Variants in HECTD4 observed in about 807,000 individuals in gnomAD.
HECTD4 encodes HECT domain E3 ubiquitin protein ligase 4.
Under a neutral mutation model 471.5 loss-of-function variants are expected in HECTD4, and 114 were observed. The observed-to-expected ratio is 0.24, with a 90% CI of 0.21 to 0.28. HECTD4 has a LOEUF of 0.28. Ranked by LOEUF, HECTD4 falls within the 10% of genes least tolerant of loss-of-function variation. The pLI, the probability that HECTD4 is intolerant of heterozygous loss-of-function variation, is 1.00. For synonymous variants in HECTD4, 2,012 were observed against 2,256.0 expected (o/e 0.89, Z 3.07); for missense variants, 3,866 against 5,651.5 (o/e 0.68, Z 10.13).
At position 112,323,947 on chromosome 12, in the gene HECTD4, CTTCTTTCTTTCTTTCT is replaced by C. The variant is rs140401737; in HGVS notation, c.178-4221_178-4206del. ...ATTAGAGGTATTTTTTACTGAGGTG[CTTCTTTCTTTCTTTCT>C]TTCTTCCTTCCTTCCTTCCTTCCTT... is the stretch of plus-strand genomic sequence containing the variant. On this transcript the variant is annotated intron_variant, in intron 1 of 75. Transcript: ENST00000682272. Among the ~76,000 whole-genome samples, 27 of 66,874 alleles carry C rather than the reference CTTCTTTCTTTCTTTCT, an allele frequency of 4.0e-4. 1 individual carries two copies. Among genetic ancestry groups the C allele is most frequent in the South Asian group, 6.8e-4 (1 of 1,476 alleles). 43.9% of individuals were successfully genotyped at this position (66,874 alleles called of 152,430 possible). A position where few individuals can be genotyped will look rare whatever the true frequency, so the allele number is the denominator to read the frequency against.
chr12:112,262,107 A>G (rs2034157655), intron 17 of HECTD4: 1 of 152,220 alleles, frequency 6.6e-6, no homozygotes. Flanking sequence ...AATTATTTTC[A>G]GTTAAAAAAA....
chr12:112,200,639 T>C lies in HECTD4; in HGVS notation c.8566A>G (p.Arg2856Gly), dbSNP rs766747032. ...GTAGAAAGAAGGGCCCAATTGTACC[T>C]GTGAATTTGAAGGTTGGTATTGTCC... ...TLDNTNLQIHRELLRCEAALA... is the reference protein window; with the variant it reads ...TLDNTNLQIHGELLRCEAALA... Residue 2856 changes from arginine (R) to glycine (G), a missense_variant and splice_region_variant, in exon 55 of 76, where the codon AGG (arginine) becomes GGG (glycine). This residue lies in a region of HECTD4 where 266 missense variants were observed against 441.6 expected (regional missense o/e 0.60). Coordinates refer to ENST00000682272, the MANE Select transcript of HECTD4 (RefSeq NM_001388303.1). The C allele has an allele frequency of 6.2e-7, 1 of 1,609,666 alleles. No homozygotes were observed. The highest frequency in any genetic ancestry group is 8.5e-7 in the Non-Finnish European group (1 of 1,176,790).
At chr12:112,189,662 C>T (rs1012002724) in intron 60 of HECTD4, among the ~76,000 whole-genome samples, 2 of 152,010 alleles carry the variant, frequency 1.3e-5, no homozygotes, top group African/African-American at 4.8e-5. Context: ...GCCTCCAGCT[C>T]ACCAAAGTCC....
At chr12:112,241,113 C>T (rs2033633494) in intron 32 of HECTD4, among the ~76,000 whole-genome samples, 1 of 152,134 alleles carries the variant, frequency 6.6e-6, no homozygotes, top group African/African-American at 2.4e-5. Flanking sequence ...AAAGTGTTAA[C>T]AGAATGTTAT....
chr12:112,344,837 G>A (rs1405857167), intron 1 of HECTD4, among the ~76,000 whole-genome samples: 1 of 152,176 alleles, frequency 6.6e-6, no homozygotes, highest in Non-Finnish European at 1.5e-5. Flanking sequence ...AGGACTGCTT[G>A]AACCTGGGAG....
intron 7 of HECTD4, among the ~76,000 whole-genome samples, chr12:112,287,204 TTCTCCC>T (rs1188583388): frequency 6.6e-6 from 1 of 152,342 alleles, no homozygotes; most frequent in Non-Finnish European, 1.5e-5. Flanking sequence ...CTGTTTAATT[TTCTCCC>T]CAGCATTTAT....
intron 68 of HECTD4, chr12:112,170,755 G>A (rs1425259441): frequency 4.3e-6 from 2 of 470,442 alleles, no homozygotes; most frequent in African/African-American, 1.9e-5. Flanking sequence ...GCACACATGT[G>A]TCTGTTTATA....
chr12:112,372,123 A>ATTTTTTTTTTTTTT (rs2036688879), intron 1 of HECTD4, among the ~76,000 whole-genome samples: 1 of 145,630 alleles, frequency 6.9e-6, no homozygotes, highest in Non-Finnish European at 1.5e-5. Context: ...TTTTTTTTTA[A>ATTTTTTTTTTTTTT]TATTTTGGTG....
At chr12:112,378,440 G>A (rs924883339) in intron 1 of HECTD4, among the ~76,000 whole-genome samples, 1 of 151,668 alleles carries the variant, frequency 6.6e-6, no homozygotes, top group Non-Finnish European at 1.5e-5. Flanking sequence ...TAGCCAGGAT[G>A]GTCTCAATCT....
At chr12:112,251,239 A>AG (rs2033877427) in intron 23 of HECTD4, 105 bp from the exon 24 acceptor site, 3 of 1,079,692 alleles carry the variant, frequency 2.8e-6, no homozygotes, top group Non-Finnish European at 1.3e-6. Flanking sequence ...GGTTCTACAG[A>AG]GCAGCATCGA....
In HECTD4 at chr12:112,381,235, A is replaced by G. The variant is rs557068211; in HGVS notation, c.177+717T>C. Among the ~76,000 whole-genome samples, 1 of 152,292 alleles carries G rather than the reference A, an allele frequency of 6.6e-6. No homozygotes were observed. The highest frequency in any genetic ancestry group is 1.9e-4 in the East Asian group (1 of 5,174). ...GATGAGATCTGCTGTTGCACCTGCC[A>G]CGGCTCTGAACCCGGGATGCTTGGC... On this transcript the variant is annotated intron_variant, in intron 1 of 75. Coordinates refer to ENST00000682272, the MANE Select transcript of HECTD4 (RefSeq NM_001388303.1). The surrounding 1 kb of genome is among the most constrained non-coding windows in gnomAD (Gnocchi z 4.1).
chr12:112,315,600 A>T (rs1269255639), intron 2 of HECTD4, among the ~76,000 whole-genome samples: 1 of 152,194 alleles, frequency 6.6e-6, no homozygotes, highest in Non-Finnish European at 1.5e-5. Flanking sequence ...TCATCTGCCC[A>T]ACAGGGACAC....
intron 1 of HECTD4, among the ~76,000 whole-genome samples, chr12:112,323,873 G>C (rs1328151651): frequency 1.3e-5 from 2 of 151,560 alleles, no homozygotes; most frequent in Admixed American, 6.6e-5. Flanking sequence ...TATTCAACTA[G>C]ATATCACTGG....
At chr12:112,350,699 A>G (rs1489282660) in intron 1 of HECTD4, among the ~76,000 whole-genome samples, 3 of 152,232 alleles carry the variant, frequency 2.0e-5, no homozygotes, top group Non-Finnish European at 2.9e-5. Flanking sequence ...TTTCATCATA[A>G]GAAAAAATAA....
rs1181589315 is a variant in HECTD4 at position 112,170,348 on chromosome 12, G to A, written c.12037C>T (p.Leu4013=). The A allele has an allele frequency of 1.2e-6, 2 of 1,613,942 alleles. No homozygotes were observed. Among genetic ancestry groups the A allele is most frequent in the Non-Finnish European group, 1.7e-6 (2 of 1,179,882 alleles). Residue 4013 remains leucine (L), a synonymous_variant, in exon 69 of 76, where the codon CTG becomes TTG. Transcript: ENST00000682272. ...HAAPEITLDP[L]EIVGGEIRAS... ...CCAACCCCACCTCCCACAATTTCCAGTGGGTCCAAGGTGATCTCAGGGGCC... is the reference window on the plus strand; with the variant it reads ...CCAACCCCACCTCCCACAATTTCCAATGGGTCCAAGGTGATCTCAGGGGCC...
chr12:112,362,304 T>C (rs1225398309), intron 1 of HECTD4, among the ~76,000 whole-genome samples: 3 of 152,252 alleles, frequency 2.0e-5, no homozygotes, highest in African/African-American at 7.2e-5. Flanking sequence ...TGTTTTCTTT[T>C]GTTTTTCTAA....
Position 112,372,792 on chromosome 12 carries a change from T to C in HECTD4, c.177+9160A>G, listed in dbSNP as rs544838989. ...GTTTTTTTGAGACAGGGTCTGGCTCTGTCACCCAGGCTGGAGTACAGTGAC... is the reference window on the plus strand; with the variant it reads ...GTTTTTTTGAGACAGGGTCTGGCTCCGTCACCCAGGCTGGAGTACAGTGAC... On this transcript the variant is annotated intron_variant, in intron 1 of 75. Transcript: ENST00000682272. 1.6e-3 allele frequency among the ~76,000 whole-genome samples: 248 copies of C among 152,270 alleles called. 1 individual carries two copies. The highest frequency in any genetic ancestry group is 3.1e-3 in the Non-Finnish European group (209 of 68,022).
chr12:112,181,175 A>T (rs1240265241), intron 62 of HECTD4, among the ~76,000 whole-genome samples: 1 of 152,020 alleles, frequency 6.6e-6, no homozygotes, highest in Non-Finnish European at 1.5e-5. Context: ...CTCAAAAAAA[A>T]AAAAATTAAC....
rs772764696 is a variant in HECTD4 at position 112,184,596 on chromosome 12, G to T, written c.10370C>A (p.Pro3457His). 3 of 1,613,732 alleles carry T rather than the reference G, an allele frequency of 1.9e-6. No individual in the cohort carries two copies. The highest frequency in any genetic ancestry group is 1.3e-5 in the African/African-American group (1 of 74,926). Residue 3457 changes from proline to histidine, a missense_variant, in exon 61 of 76, where the codon CCC (proline) becomes CAC (histidine). Physicochemically the swap from Pro to His is moderately conservative, Grantham distance 77 (BLOSUM62 -2). Transcript: ENST00000682272. This position sits in a 1 kb window ranked among gnomAD's most constrained non-coding sequence, Gnocchi z 9.1. Reference sequence around the variant, plus strand: ...GCCGGGGAAGGCCAGTGTCTTCTCGGGCTCAACTTTCCCGTCCCCGCCCTC... The same window carrying T: ...GCCGGGGAAGGCCAGTGTCTTCTCGTGCTCAACTTTCCCGTCCCCGCCCTC... ...KAEGGDGKVE[P>H]EKTLAFPGTD...
Sources: gnomAD v4.1 joint callset for allele counts (sites outside exome capture counted in the v4.1 genomes callset) on GRCh38, gnomAD v4.1.1 for gene constraint, gnomAD v4.1.1 regional missense constraint, Gnocchi (gnomAD v3.1) non-coding constraint, MANE v1.5 for transcripts, NCBI Gene and HGNC (gene_info 2026-07-23, HGNC 2026-07-21) for gene names.